Variants in ITGB6 observed in about 807,000 individuals in gnomAD.
ITGB6 encodes integrin subunit beta 6.
ITGB6 carries 80 observed loss-of-function variants against 84.5 expected under a neutral mutation model. The observed-to-expected ratio is 0.95, with a 90% CI of 0.79 to 1.14. The LOEUF is 1.14. Ranked by LOEUF, ITGB6 falls within the 50% of genes most tolerant of loss-of-function variation. The pLI is 0.00. For missense variants in ITGB6, 1,006 were observed against 968.0 expected (o/e 1.04, Z -0.52); for synonymous variants, 383 against 354.9 (o/e 1.08, Z -0.89).
At chr2:160,155,247 G>C (rs1684580259) in intron 7 of ITGB6, among the ~76,000 whole-genome samples, 1 of 152,180 alleles carries the variant, frequency 6.6e-6, no homozygotes, top group African/African-American at 2.4e-5. Flanking sequence ...TGGCATTCTG[G>C]AAAAGGCAAA....
intron 7 of ITGB6, among the ~76,000 whole-genome samples, chr2:160,151,815 A>G (rs1684430663): frequency 6.6e-6 from 1 of 152,222 alleles, no homozygotes; most frequent in African/African-American, 2.4e-5. Flanking sequence ...AATACTATAA[A>G]TACCTCAATG....
chr2:160,189,567 A>G (rs1270081655), intron 4 of ITGB6, among the ~76,000 whole-genome samples: 1 of 152,268 alleles, frequency 6.6e-6, no homozygotes, highest in Non-Finnish European at 1.5e-5. Context: ...ACTTGTCAAA[A>G]GAAGACATTT....
intron 12 of ITGB6, 33 bp from the exon 13 acceptor site, chr2:160,112,232 C>G: frequency 6.3e-7 from 1 of 1,582,544 alleles, no homozygotes; most frequent in Non-Finnish European, 8.6e-7. Flanking sequence ...TTAGGTTAAA[C>G]AAGATTCCAA....
rs1683833850 is a variant in ITGB6 at position 160,138,075 on chromosome 2, A to G, written c.1232T>C (p.Val411Ala). 2 of 1,612,388 alleles carry G rather than the reference A, an allele frequency of 1.2e-6. No individual in the cohort carries two copies. Among genetic ancestry groups the G allele is most frequent in the South Asian group, 1.1e-5 (1 of 90,634 alleles). The change falls in exon 9 of 15, where the codon GTG (valine) becomes GCG (alanine). Residue 411 changes from valine (V) to alanine (A), a missense_variant. By Grantham distance (64) the Val-to-Ala change is moderately conservative. Transcript: ENST00000283249. ...QHQKKCSHMK[V>A]GDTASFSVTV... ...TGGCCAGCTACTTACTGTGTCTCCC[A>G]CTTTCATGTGAGAGCATTTCTTTTG...
chr2:160,197,163 G>C (rs1420322917), intron 2 of ITGB6, among the ~76,000 whole-genome samples: 2 of 152,074 alleles, frequency 1.3e-5, no homozygotes, highest in Admixed American at 1.3e-4. Flanking sequence ...TCTGCTTTTT[G>C]CTGGTGCCTG....
chr2:160,109,415 G>A (rs1398434650), intron 13 of ITGB6, among the ~76,000 whole-genome samples: 1 of 152,216 alleles, frequency 6.6e-6, no homozygotes, highest in Non-Finnish European at 1.5e-5. Context: ...AATGCCTGGG[G>A]TGGGGCATAG....
chr2:160,157,722 T>C (rs545905973), intron 7 of ITGB6, among the ~76,000 whole-genome samples: 1 of 122,268 alleles, frequency 8.2e-6, no homozygotes, highest in African/African-American at 3.2e-5. Context: ...TTGAAAGAAA[T>C]GTAGGAAGTA....
intron 4 of ITGB6, among the ~76,000 whole-genome samples, chr2:160,191,671 C>A (rs537796571): frequency 1.3e-5 from 2 of 151,890 alleles, no homozygotes; most frequent in East Asian, 3.9e-4. Flanking sequence ...CAAGTCGGTG[C>A]AATAAGGTAA....
intron 9 of ITGB6, 33 bp from the exon 10 acceptor site, chr2:160,137,884 T>C: frequency 6.3e-7 from 1 of 1,599,160 alleles, no homozygotes; most frequent in Non-Finnish European, 8.6e-7. Context: ...TCTCCCTCCA[T>C]CCACCAAAAT....
At chr2:160,132,865 C>T (rs1002513834) in intron 10 of ITGB6, among the ~76,000 whole-genome samples, 8 of 151,956 alleles carry the variant, frequency 5.3e-5, no homozygotes, top group East Asian at 1.9e-4. Flanking sequence ...CAAGATATTC[C>T]GAGTAATTTT....
At chr2:160,105,767 T>C (rs1030480337) in intron 14 of ITGB6, among the ~76,000 whole-genome samples, 23 of 152,192 alleles carry the variant, frequency 1.5e-4, no homozygotes, top group African/African-American at 5.3e-4. Flanking sequence ...AAGTCAAAAA[T>C]AACATCTGTG....
intron 4 of ITGB6, among the ~76,000 whole-genome samples, chr2:160,181,983 G>A (rs892475608): frequency 2.3e-4 from 35 of 152,260 alleles, no homozygotes; most frequent in African/African-American, 8.2e-4. Flanking sequence ...AACCCCATCC[G>A]AAGGTTACCA....
At chr2:160,138,628 C>T (rs1029170077) in intron 8 of ITGB6, among the ~76,000 whole-genome samples, 5 of 152,144 alleles carry the variant, frequency 3.3e-5, no homozygotes, top group African/African-American at 1.2e-4. Context: ...CAACAGCTTC[C>T]TTTATGTGTA....
chr2:160,132,090 A>G (rs190846481), intron 10 of ITGB6, among the ~76,000 whole-genome samples: 19 of 152,248 alleles, frequency 1.2e-4, no homozygotes, highest in Admixed American at 1.0e-3. Context: ...GTATTTTATT[A>G]CAAGATTCCT....
chr2:160,121,759 C>T (rs1683049667), intron 12 of ITGB6, among the ~76,000 whole-genome samples: 2 of 122,302 alleles, frequency 1.6e-5, no homozygotes, highest in African/African-American at 3.5e-5. Context: ...CAGGGTAAGG[C>T]CTTGTCTCAA....
intron 10 of ITGB6, among the ~76,000 whole-genome samples, chr2:160,126,908 A>G (rs1402394312): frequency 6.6e-6 from 1 of 152,208 alleles, no homozygotes; most frequent in African/African-American, 2.4e-5. Flanking sequence ...CTCTCAGCCA[A>G]GGGCATTCTA....
At chr2:160,189,096 A>G (rs1250099810) in intron 4 of ITGB6, among the ~76,000 whole-genome samples, 2 of 152,196 alleles carry the variant, frequency 1.3e-5, no homozygotes, top group Admixed American at 1.3e-4. Flanking sequence ...AAAATAAGAA[A>G]TGGGGAAAGG....
chr2:160,122,521 C>A (rs1291496767), intron 12 of ITGB6, among the ~76,000 whole-genome samples: 1 of 152,116 alleles, frequency 6.6e-6, no homozygotes, highest in Non-Finnish European at 1.5e-5. Context: ...GTGAAATGAG[C>A]CCAGAAGGTG....
chr2:160,194,323 A>G (rs1001230902), intron 4 of ITGB6, among the ~76,000 whole-genome samples: 8 of 152,258 alleles, frequency 5.3e-5, no homozygotes, highest in African/African-American at 1.9e-4. Flanking sequence ...AAGTACACTG[A>G]GATGTTTTTT....
Sources: allele counts gnomAD v4.1 joint callset (sites outside exome capture counted in the v4.1 genomes callset), GRCh38; gene constraint gnomAD v4.1.1; transcripts MANE v1.5; gene names NCBI Gene and HGNC (gene_info 2026-07-23, HGNC 2026-07-21).